Variants in TRPC7 observed in about 807,000 individuals in gnomAD.
The protein encoded by TRPC7 is short transient receptor potential channel 7.
A neutral mutation model predicts 90.1 loss-of-function variants in TRPC7; 42 were observed. That is an observed-to-expected ratio of 0.47 (90% confidence interval 0.36 to 0.60). TRPC7 has a LOEUF of 0.60. Ranked by LOEUF, TRPC7 falls within the 20% of genes least tolerant of loss-of-function variation. The probability of loss-of-function intolerance (pLI) is 0.00; values close to 1 mark genes in which losing one functional copy is unlikely to be tolerated. For missense variants in TRPC7, 955 were observed against 1,112.3 expected, an observed-to-expected ratio of 0.86 and a Z score of 2.01; for synonymous variants, 451 against 436.3, an observed-to-expected ratio of 1.03 and a Z score of -0.42.
chr5:136,224,535 A>G (rs2149794505), intron 10 of TRPC7, among the ~76,000 whole-genome samples: 1 of 152,228 alleles, frequency 6.6e-6, no homozygotes, highest in South Asian at 2.1e-4. Context: ...CAGAAAGTGT[A>G]TAGCATCTGT....
At chr5:136,263,056 T>C (rs1756907906) in intron 5 of TRPC7, among the ~76,000 whole-genome samples, 1 of 152,236 alleles carries the variant, frequency 6.6e-6, no homozygotes, top group Non-Finnish European at 1.5e-5. Context: ...TTTGAATGTT[T>C]GTTGAATACC....
rs761397229 is a variant in TRPC7, at chr5:136,274,847, C to G, written c.964-10G>C. 6.4e-7 allele frequency: 1 copy of G among 1,553,070 alleles called. No homozygotes were observed. Among genetic ancestry groups the G allele is most frequent in the East Asian group, 2.4e-5 (1 of 41,112 alleles). Reference sequence around the variant, plus strand: ...TAGGATGAGCAACGAACTGTAAAAACAAAACAAAAACAAAAACAAAACGCA... The same window carrying G: ...TAGGATGAGCAACGAACTGTAAAAAGAAAACAAAAACAAAAACAAAACGCA... On this transcript the variant is annotated splice_polypyrimidine_tract_variant and intron_variant, in intron 3 of 11. Coordinates refer to ENST00000513104, the MANE Select transcript of TRPC7 (RefSeq NM_020389.3).
chr5:136,363,474 A>C (rs1187560696), intron 1 of TRPC7, among the ~76,000 whole-genome samples: 1 of 152,144 alleles, frequency 6.6e-6, no homozygotes, highest in Non-Finnish European at 1.5e-5. Flanking sequence ...ATATACTTTA[A>C]ATAAAAGAAA....
At chr5:136,360,019 C>T (rs774216009) in intron 1 of TRPC7, among the ~76,000 whole-genome samples, 5 of 152,126 alleles carry the variant, frequency 3.3e-5, no homozygotes, top group African/African-American at 4.8e-5. Flanking sequence ...CTTGATTCCA[C>T]GGCACTTTTC....
intron 2 of TRPC7, among the ~76,000 whole-genome samples, chr5:136,330,498 G>A (rs891208752): frequency 1.3e-5 from 2 of 152,222 alleles, no homozygotes; most frequent in African/African-American, 4.8e-5. Flanking sequence ...GTACTCATTT[G>A]CTAGAAACAC....
At chr5:136,325,872 A>C (rs1759329230) in intron 2 of TRPC7, among the ~76,000 whole-genome samples, 1 of 152,286 alleles carries the variant, frequency 6.6e-6, no homozygotes, top group African/African-American at 2.4e-5. Flanking sequence ...GAAAAACCCC[A>C]TCTCTCCACC....
At chr5:136,267,209 ATCT>A (rs1402210100) in intron 4 of TRPC7, among the ~76,000 whole-genome samples, 1 of 152,164 alleles carries the variant, frequency 6.6e-6, no homozygotes, top group African/African-American at 2.4e-5. Flanking sequence ...TACTAGTCAC[ATCT>A]TCTTTATCTC....
chr5:136,283,344 A>G (rs886889414), intron 3 of TRPC7, among the ~76,000 whole-genome samples: 2 of 152,066 alleles, frequency 1.3e-5, no homozygotes, highest in African/African-American at 4.8e-5. Flanking sequence ...ATGTCCATCT[A>G]TTTTCCCCAG....
rs540437611 is a variant in TRPC7 at position 136,242,076 on chromosome 5, T to C, written c.1844+5395A>G. Reference sequence around the variant, plus strand: ...AATCCTATTTGTCTACTGAGTTCTATGATAGGGTTAAAAATATGTCCCCAG... The same window carrying C: ...AATCCTATTTGTCTACTGAGTTCTACGATAGGGTTAAAAATATGTCCCCAG... On this transcript the variant is annotated intron_variant, in intron 7 of 11. Transcript: ENST00000513104. 1.1e-3 allele frequency among the ~76,000 whole-genome samples: 169 copies of C among 152,340 alleles called. 2 individuals carry two copies. The highest frequency in any genetic ancestry group is 3.9e-3 in the African/African-American group (164 of 41,578).
intron 8 of TRPC7, among the ~76,000 whole-genome samples, chr5:136,228,126 T>C (rs1755689479): frequency 6.6e-6 from 1 of 152,198 alleles, no homozygotes; most frequent in South Asian, 2.1e-4. Flanking sequence ...TATAATCAGC[T>C]ATTCAACAGC....
At chr5:136,242,748 G>T (rs1756210716) in intron 7 of TRPC7, among the ~76,000 whole-genome samples, 1 of 152,130 alleles carries the variant, frequency 6.6e-6, no homozygotes, top group Admixed American at 6.5e-5. Flanking sequence ...TCCTCCAGGG[G>T]CTTGTTAATG....
At chr5:136,235,486 A>T (rs1254450701) in intron 7 of TRPC7, among the ~76,000 whole-genome samples, 1 of 152,198 alleles carries the variant, frequency 6.6e-6, no homozygotes, top group Non-Finnish European at 1.5e-5. Flanking sequence ...GGAATGAGTC[A>T]ATAGTAAATC....
At chr5:136,303,590 GC>G (rs902840630) in intron 3 of TRPC7, among the ~76,000 whole-genome samples, 5 of 152,038 alleles carry the variant, frequency 3.3e-5, no homozygotes, top group African/African-American at 1.2e-4. Context: ...TGCTACAAGT[GC>G]CAAAAATCTG....
rs116223919 is a variant in TRPC7, at chr5:136,282,907, T to C, written c.964-8070A>G. On this transcript the variant is annotated intron_variant, in intron 3 of 11. Transcript: ENST00000513104. ...ACAAGATGGCCATGGTCCCTGCCCT[T>C]GGGAAGCCTGATAATTCCTTAATCT... 7.7e-4 allele frequency among the ~76,000 whole-genome samples: 118 copies of C among 152,310 alleles called. 1 individual carries two copies. Among genetic ancestry groups the C allele is most frequent in the African/African-American group, 2.6e-3 (110 of 41,562 alleles).
intron 1 of TRPC7, among the ~76,000 whole-genome samples, chr5:136,362,554 C>T (rs1385533060): frequency 6.6e-6 from 1 of 152,104 alleles, no homozygotes. Context: ...TTCTCACAAA[C>T]TATTACATGG....
At chr5:136,348,870 G>A (rs1261073443) in intron 2 of TRPC7, among the ~76,000 whole-genome samples, 1 of 152,100 alleles carries the variant, frequency 6.6e-6, no homozygotes, top group Non-Finnish European at 1.5e-5. Context: ...TGTGATTAAT[G>A]TATATAGCAT....
At chr5:136,214,544 T>A (rs1755198675) in intron 11 of TRPC7, 1 of 152,230 alleles carries the variant, frequency 6.6e-6, no homozygotes, top group Non-Finnish European at 1.5e-5. Context: ...ATGGTGTAAT[T>A]TAAGTGCCAT....
At chr5:136,246,009 C>T (rs1230327086) in intron 7 of TRPC7, among the ~76,000 whole-genome samples, 2 of 152,200 alleles carry the variant, frequency 1.3e-5, no homozygotes, top group Non-Finnish European at 2.9e-5. Context: ...GACTATCTGG[C>T]ATCCTGCCCC....
intron 3 of TRPC7, among the ~76,000 whole-genome samples, chr5:136,290,923 T>C (rs570422931): frequency 6.6e-6 from 1 of 152,286 alleles, no homozygotes; most frequent in African/African-American, 2.4e-5. Flanking sequence ...GGAAAGCCCA[T>C]CAGACTAACA....
Sources: allele counts gnomAD v4.1 joint callset (sites outside exome capture counted in the v4.1 genomes callset), GRCh38; gene constraint gnomAD v4.1.1; transcripts MANE v1.5; gene names NCBI Gene and HGNC (gene_info 2026-07-23, HGNC 2026-07-21).